Variants in OMA1 observed in about 807,000 individuals in gnomAD.
The protein encoded by OMA1 is OMA1 zinc metallopeptidase.
Under a neutral mutation model 30.9 loss-of-function variants are expected in OMA1, and 38 were observed. The ratio of observed to expected loss-of-function variants is 1.23; its 90% confidence interval spans 0.95 to 1.61. OMA1 has a LOEUF of 1.61. OMA1 is among the 40% of genes most tolerant of loss of function. The pLI is 0.00. For missense variants in OMA1, 461 were observed against 349.2 expected, an observed-to-expected ratio of 1.32 and a Z score of -2.55; for synonymous variants, 173 against 121.9, an observed-to-expected ratio of 1.42 and a Z score of -2.76.
intron 1 of OMA1, among the ~76,000 whole-genome samples, chr1:58,540,490 CAT>C (rs1433699719): frequency 2.6e-5 from 4 of 151,498 alleles, no homozygotes; most frequent in African/African-American, 7.3e-5. Flanking sequence ...CTATACTGCA[CAT>C]GTTTAAGAAG....
rs546500747 is a variant in OMA1 at position 58,522,093 on chromosome 1, TA to T, written c.1215+5167del. On this transcript the variant is annotated intron_variant, in intron 7 of 8. Coordinates refer to ENST00000371226, the MANE Select transcript of OMA1 (RefSeq NM_145243.5). ...TTTCCCCAAAAATGCAACTTAACTTTAAAAAAAATTAATGTAATTTGCCCAA... is the reference window on the plus strand; with the variant it reads ...TTTCCCCAAAAATGCAACTTAACTTTAAAAAAATTAATGTAATTTGCCCAA... 1.3e-3 allele frequency among the ~76,000 whole-genome samples: 191 copies of T among 152,096 alleles called. 1 individual carries two copies. In the Middle Eastern group the frequency reaches 0.041, roughly 33 times the overall value.
chr1:58,490,022 A>C (rs2100372354), intron 8 of OMA1, among the ~76,000 whole-genome samples: 1 of 152,362 alleles, frequency 6.6e-6, no homozygotes, highest in South Asian at 2.1e-4. Flanking sequence ...GAAAATTCTA[A>C]AAATCAGAGT....
chr1:58,509,691 T>C (rs1299836731), intron 7 of OMA1, among the ~76,000 whole-genome samples: 1 of 139,352 alleles, frequency 7.2e-6, no homozygotes, highest in East Asian at 2.1e-4. Flanking sequence ...AATAAAAAAA[T>C]AGAAAAAAAT....
chr1:58,492,564 T>A (rs1237009187), intron 8 of OMA1, among the ~76,000 whole-genome samples: 1 of 151,736 alleles, frequency 6.6e-6, no homozygotes, highest in Non-Finnish European at 1.5e-5. Flanking sequence ...ATAGACACAA[T>A]AAAAAATGAT....
At chr1:58,537,947 G>A (rs11808437) in intron 2 of OMA1, among the ~76,000 whole-genome samples, 17,618 of 152,096 alleles carry the variant, frequency 0.12, 1,192 homozygotes, top group African/African-American at 0.18. Context: ...AAATCAGAAA[G>A]AGCATCCGAA....
intron 8 of OMA1, among the ~76,000 whole-genome samples, chr1:58,483,875 C>T (rs1645530805): frequency 6.6e-6 from 1 of 152,160 alleles, no homozygotes; most frequent in Non-Finnish European, 1.5e-5. Context: ...GAGAAGTTTA[C>T]CTGTCATGGC....
At chr1:58,507,513 C>T (rs1646007651) in intron 7 of OMA1, among the ~76,000 whole-genome samples, 1 of 151,724 alleles carries the variant, frequency 6.6e-6, no homozygotes, top group Non-Finnish European at 1.5e-5. Context: ...TCCTTAAGAC[C>T]TCTGAGTATT....
chr1:58,521,398 A>G (rs909388811), intron 7 of OMA1, among the ~76,000 whole-genome samples: 2 of 152,050 alleles, frequency 1.3e-5, no homozygotes, highest in African/African-American at 4.8e-5. Context: ...CACATATGAA[A>G]CCCAAAAAAT....
chr1:58,522,043 G>A (rs922437324), intron 7 of OMA1, among the ~76,000 whole-genome samples: 1 of 152,024 alleles, frequency 6.6e-6, no homozygotes, highest in African/African-American at 2.4e-5. Context: ...AATATATTAA[G>A]GGATAATTGA....
At chr1:58,511,094 T>G (rs569945082) in intron 7 of OMA1, among the ~76,000 whole-genome samples, 1 of 152,126 alleles carries the variant, frequency 6.6e-6, no homozygotes, top group East Asian at 1.9e-4. Context: ...GAAAATCCCA[T>G]TGGCACTTTT....
intron 8 of OMA1, among the ~76,000 whole-genome samples, chr1:58,501,161 T>C (rs1363817656): frequency 6.6e-6 from 1 of 152,210 alleles, no homozygotes; most frequent in African/African-American, 2.4e-5. Flanking sequence ...AACCTGTATT[T>C]ATCCTTTTTA....
intron 8 of OMA1, among the ~76,000 whole-genome samples, chr1:58,504,324 A>T (rs1350867560): frequency 1.3e-5 from 2 of 152,118 alleles, no homozygotes; most frequent in Non-Finnish European, 2.9e-5. Flanking sequence ...CATCAAACAT[A>T]CGCTGACTTT....
chr1:58,501,068 T>C (rs943994599), intron 8 of OMA1, among the ~76,000 whole-genome samples: 1 of 152,198 alleles, frequency 6.6e-6, no homozygotes, highest in Non-Finnish European at 1.5e-5. Flanking sequence ...AACCAAAATA[T>C]GTGGAATATG....
intron 2 of OMA1, among the ~76,000 whole-genome samples, 173 bp downstream of exon 2, chr1:58,538,622 T>C (rs1395013844): frequency 1.3e-5 from 2 of 152,216 alleles, no homozygotes; most frequent in Non-Finnish European, 2.9e-5. Flanking sequence ...CAGGACCTAC[T>C]GTTTAGAAAC....
chr1:58,494,551 T>C (rs1473552092), intron 8 of OMA1, among the ~76,000 whole-genome samples: 1 of 151,962 alleles, frequency 6.6e-6, no homozygotes, highest in Non-Finnish European at 1.5e-5. Context: ...GAATCTACAA[T>C]GAACTCAAAC....
intron 7 of OMA1, among the ~76,000 whole-genome samples, chr1:58,511,004 T>C (rs1368654243): frequency 6.6e-6 from 1 of 152,158 alleles, no homozygotes; most frequent in Non-Finnish European, 1.5e-5. Flanking sequence ...AGACATCCCA[T>C]GTTCATGGAT....
chr1:58,507,430 C>T (rs2100419440), intron 7 of OMA1, among the ~76,000 whole-genome samples: 1 of 151,976 alleles, frequency 6.6e-6, no homozygotes, highest in South Asian at 2.1e-4. Context: ...ACCATTAAAG[C>T]ATTTCCAAAT....
intron 8 of OMA1, among the ~76,000 whole-genome samples, chr1:58,488,110 T>A (rs147424769): frequency 6.6e-6 from 1 of 152,186 alleles, no homozygotes; most frequent in African/African-American, 2.4e-5. Flanking sequence ...GATAAAGTTT[T>A]CTTTAAATAC....
intron 1 of OMA1, among the ~76,000 whole-genome samples, chr1:58,543,164 C>G (rs1646648231): frequency 6.6e-6 from 1 of 152,082 alleles, no homozygotes; most frequent in South Asian, 2.1e-4. Context: ...ACTTTATCCC[C>G]AAAATAATGC....
Sources: allele counts gnomAD v4.1 joint callset (sites outside exome capture counted in the v4.1 genomes callset), GRCh38; gene constraint gnomAD v4.1.1; transcripts MANE v1.5; gene names NCBI Gene and HGNC (gene_info 2026-07-23, HGNC 2026-07-21).